The following ADCY2 variants were observed in gnomAD, a reference collection of about 807,000 sequenced individuals.
ADCY2 encodes adenylate cyclase type 2.
Under a neutral mutation model 125.2 loss-of-function variants are expected in ADCY2, and 31 were observed. The observed-to-expected ratio is 0.25, with a 90% CI of 0.19 to 0.33. The LOEUF is 0.33. ADCY2 is among the 10% of genes least tolerant of loss of function. The pLI, the probability that ADCY2 is intolerant of heterozygous loss-of-function variation, is 1.00. For synonymous variants in ADCY2, 512 were observed against 548.4 expected (o/e 0.93, Z 0.93); for missense variants, 904 against 1,418.2 (o/e 0.64, Z 5.82).
intron 2 of ADCY2, among the ~76,000 whole-genome samples, chr5:7,459,053 A>C (rs557947608): frequency 6.6e-6 from 1 of 152,236 alleles, no homozygotes; most frequent in South Asian, 2.1e-4. Flanking sequence ...GTTGGCTGGG[A>C]TTTGGTGATT....
intron 4 of ADCY2, among the ~76,000 whole-genome samples, chr5:7,634,409 T>G (rs1050801235): frequency 6.6e-6 from 1 of 152,182 alleles, no homozygotes. Context: ...AAGATTTTAT[T>G]TTATCCTAGA....
In ADCY2 at chr5:7,422,205, C is replaced by T. The variant is rs146514396; in HGVS notation, c.408+7435C>T. On this transcript the variant is annotated intron_variant, in intron 2 of 24. Transcript: ENST00000338316. ...TGTTTTATTTGATGATTTTGTTTTTCTTTCTTTTTTTTTTAATTGAGATGG... is the reference window on the plus strand; with the variant it reads ...TGTTTTATTTGATGATTTTGTTTTTTTTTCTTTTTTTTTTAATTGAGATGG... 6.5e-3 allele frequency among the ~76,000 whole-genome samples: 992 copies of T among 152,008 alleles called. 14 individuals carry two copies. Among genetic ancestry groups the T allele is most frequent in the South Asian group, 0.039 (189 of 4,798 alleles).
At chr5:7,449,894 AC>A (rs1055936192) in intron 2 of ADCY2, among the ~76,000 whole-genome samples, 1 of 152,082 alleles carries the variant, frequency 6.6e-6, no homozygotes, top group African/African-American at 2.4e-5. Context: ...GTGACCTGTG[AC>A]CCATGATCTT....
chr5:7,591,419 G>A (rs1394325728), intron 3 of ADCY2, among the ~76,000 whole-genome samples: 1 of 152,024 alleles, frequency 6.6e-6, no homozygotes, highest in African/African-American at 2.4e-5. Context: ...ACATACAGTC[G>A]GGAAACTTAA....
chr5:7,582,055 C>A (rs1263869055), intron 3 of ADCY2, among the ~76,000 whole-genome samples: 1 of 151,958 alleles, frequency 6.6e-6, no homozygotes, highest in Non-Finnish European at 1.5e-5. Context: ...AGTATAAAGA[C>A]ACGGGTTAAA....
At chr5:7,646,050 T>C (rs1406219791) in intron 4 of ADCY2, among the ~76,000 whole-genome samples, 1 of 152,164 alleles carries the variant, frequency 6.6e-6, no homozygotes, top group African/African-American at 2.4e-5. Context: ...ACATCTATTA[T>C]GGCATGGCAT....
chr5:7,792,217 CAAAAAAAAAAAAAAAAA>C lies in ADCY2; in HGVS notation c.2628+2429_2628+2445del, dbSNP rs57224712. Among the ~76,000 whole-genome samples, 24 of 99,428 alleles carry C rather than the reference CAAAAAAAAAAAAAAAAA, an allele frequency of 2.4e-4. No homozygotes were observed. The South Asian group carries it at 3.2e-3, about 13-fold the overall frequency. The allele number at this position is 99,428 out of a possible 152,430, so 65.2% of individuals were successfully genotyped here. A position where few individuals can be genotyped will look rare whatever the true frequency, so the allele number is the denominator to read the frequency against. ...AGAAACCCCGTCTCTACTAAAAATACAAAAAAAAAAAAAAAAAAAAAAAAAAAATTAGCTGGGCATGG... is the reference window on the plus strand; with the variant it reads ...AGAAACCCCGTCTCTACTAAAAATACAAAAAAAAAAATTAGCTGGGCATGG... On this transcript the variant is annotated intron_variant, in intron 20 of 24. Transcript: ENST00000338316.
At chr5:7,797,796 C>T (rs2126515894) in intron 20 of ADCY2, 1 of 149,750 alleles carries the variant, frequency 6.7e-6, no homozygotes, top group African/African-American at 2.4e-5. Flanking sequence ...GATGAGCCCC[C>T]TCCTAGAGGG....
intron 4 of ADCY2, among the ~76,000 whole-genome samples, chr5:7,647,575 G>C (rs1357672763): frequency 1.3e-5 from 2 of 152,110 alleles, no homozygotes; most frequent in Non-Finnish European, 2.9e-5. Flanking sequence ...TAAATATTTG[G>C]GAAAAGGTAG....
intron 2 of ADCY2, among the ~76,000 whole-genome samples, chr5:7,444,701 A>G (rs533391651): frequency 4.4e-4 from 67 of 152,276 alleles, no homozygotes; most frequent in Admixed American, 3.7e-3. Context: ...ATTGCTGGCT[A>G]TTGTTCATTT....
In ADCY2 at chr5:7,790,142, A is replaced by C. The variant is rs577735528; in HGVS notation, c.2628+342A>C. 6.6e-4 allele frequency among the ~76,000 whole-genome samples: 101 copies of C among 152,262 alleles called. 1 individual carries two copies. Among genetic ancestry groups the C allele is most frequent in the African/African-American group, 1.8e-3 (74 of 41,542 alleles). On this transcript the variant is annotated intron_variant, in intron 20 of 24. Transcript: ENST00000338316. ...CCAAAGAAGCCACTGCTCTCTCCCC[A>C]TTGTGGGAGGAGGCCTGCCTTACCA...
At chr5:7,440,424 C>CT (rs1210353880) in intron 2 of ADCY2, among the ~76,000 whole-genome samples, 2 of 152,136 alleles carry the variant, frequency 1.3e-5, no homozygotes, top group Non-Finnish European at 2.9e-5. Context: ...CCCTAAGCTA[C>CT]TTTAAAAAAA....
intron 4 of ADCY2, among the ~76,000 whole-genome samples, chr5:7,682,254 C>G (rs775197267): frequency 3.9e-5 from 6 of 152,128 alleles, no homozygotes; most frequent in Non-Finnish European, 7.3e-5. Flanking sequence ...TAGAGCAGTT[C>G]TAAAATCGCC....
intron 3 of ADCY2, among the ~76,000 whole-genome samples, chr5:7,565,135 C>A (rs1047314326): frequency 5.3e-5 from 8 of 152,212 alleles, no homozygotes; most frequent in African/African-American, 1.9e-4. Flanking sequence ...ATGCCGGTGG[C>A]CCAGCTCACA....
intron 22 of ADCY2, among the ~76,000 whole-genome samples, chr5:7,812,419 G>A (rs1744972772): frequency 2.0e-5 from 3 of 152,146 alleles, no homozygotes; most frequent in Admixed American, 1.3e-4. Context: ...CGTTGTTAAA[G>A]CTGTAAGTAA....
At chr5:7,442,001 G>A (rs1741034266) in intron 2 of ADCY2, among the ~76,000 whole-genome samples, 1 of 152,110 alleles carries the variant, frequency 6.6e-6, no homozygotes, top group East Asian at 1.9e-4. Flanking sequence ...TGTTTTTCTG[G>A]TATAGGTCCT....
At chr5:7,592,233 A>G (rs1395362894) in intron 3 of ADCY2, among the ~76,000 whole-genome samples, 2 of 152,216 alleles carry the variant, frequency 1.3e-5, no homozygotes, top group Non-Finnish European at 2.9e-5. Context: ...TAATTCAAAT[A>G]TAATTCATCT....
chr5:7,444,471 A>T (rs115795341), intron 2 of ADCY2, among the ~76,000 whole-genome samples: 2,730 of 152,114 alleles, frequency 0.018, 38 homozygotes, highest in Non-Finnish European at 0.028. Context: ...TTCTATAGCT[A>T]ACACTCTGTA....
intron 22 of ADCY2, among the ~76,000 whole-genome samples, chr5:7,805,044 G>A (rs147143925): frequency 6.6e-5 from 10 of 152,182 alleles, no homozygotes; most frequent in South Asian, 4.2e-4. Context: ...GGCCGTGTGC[G>A]GTGGCTCACG....
Sources: gnomAD v4.1 joint callset for allele counts (sites outside exome capture counted in the v4.1 genomes callset) on GRCh38, gnomAD v4.1.1 for gene constraint, MANE v1.5 for transcripts, NCBI Gene and HGNC (gene_info 2026-07-23, HGNC 2026-07-21) for gene names.